DENND4C: variants seen among roughly 807,000 people sequenced by gnomAD.
DENND4C encodes DENN domain containing 4C, also known as DENN domain-containing protein 4C.
A neutral mutation model predicts 203.0 loss-of-function variants in DENND4C; 108 were observed. That is an observed-to-expected ratio of 0.53 (90% CI 0.46 to 0.62). The LOEUF (loss-of-function observed/expected upper bound fraction) is 0.62. DENND4C is among the 20% of genes least tolerant of loss of function. The pLI, the probability that DENND4C is intolerant of heterozygous loss-of-function variation, is 0.00. For missense variants in DENND4C, 2,481 were observed against 2,301.2 expected, an observed-to-expected ratio of 1.08 and a Z score of -1.60; for synonymous variants, 871 against 792.4, an observed-to-expected ratio of 1.10 and a Z score of -1.67.
intron 22 of DENND4C, 128 bp from the exon 23 acceptor site, chr9:19,345,793 G>T: frequency 1.2e-6 from 1 of 857,298 alleles, no homozygotes; most frequent in South Asian, 2.3e-5. Flanking sequence ...TTTCTTTATG[G>T]CCTCTAAATT....
At chr9:19,331,757 T>C (rs1362306061) in intron 16 of DENND4C, among the ~76,000 whole-genome samples, 5 of 152,214 alleles carry the variant, frequency 3.3e-5, no homozygotes, top group African/African-American at 7.2e-5. Flanking sequence ...ACATGCTTGC[T>C]AACAAATAGA....
intron 13 of DENND4C, among the ~76,000 whole-genome samples, chr9:19,325,119 A>G (rs1417656122): frequency 6.6e-6 from 1 of 152,152 alleles, no homozygotes; most frequent in East Asian, 1.9e-4. Context: ...TTTAATTTAA[A>G]TGAATAAGAT....
chr9:19,359,647 C>T (rs984338245), intron 28 of DENND4C, among the ~76,000 whole-genome samples: 3 of 149,836 alleles, frequency 2.0e-5, no homozygotes, highest in African/African-American at 7.7e-5. Context: ...TTGGAGACCA[C>T]AGTCTAGGCA....
chr9:19,241,385 A>AT (rs909078754), intron 1 of DENND4C, among the ~76,000 whole-genome samples: 19 of 149,630 alleles, frequency 1.3e-4, no homozygotes, highest in Non-Finnish European at 2.4e-4. Context: ...TAAAAAATGA[A>AT]TTTTTTTTTT....
At chr9:19,245,320 A>T (rs1199514375) in intron 1 of DENND4C, among the ~76,000 whole-genome samples, 1 of 151,778 alleles carries the variant, frequency 6.6e-6, no homozygotes, top group Non-Finnish European at 1.5e-5. Context: ...CACAAAAATT[A>T]GCTGGGCATG....
At chr9:19,255,297 CA>C (rs1474146313) in intron 1 of DENND4C, among the ~76,000 whole-genome samples, 2 of 151,902 alleles carry the variant, frequency 1.3e-5, no homozygotes, top group Admixed American at 6.6e-5. Context: ...CCCAGCTACT[CA>C]GGAGGCTGAG....
chr9:19,231,456 G>C (rs1438159001), intron 1 of DENND4C, among the ~76,000 whole-genome samples: 1 of 152,084 alleles, frequency 6.6e-6, no homozygotes, highest in Non-Finnish European at 1.5e-5. Context: ...ACTCTGGAGT[G>C]ACTAAACACA....
intron 1 of DENND4C, among the ~76,000 whole-genome samples, chr9:19,242,566 C>T (rs551916742): frequency 6.6e-6 from 1 of 152,000 alleles, no homozygotes; most frequent in Non-Finnish European, 1.5e-5. Context: ...AGTTCCTGTT[C>T]GCATTTTCAT....
intron 2 of DENND4C, among the ~76,000 whole-genome samples, chr9:19,278,042 C>A (rs1470823964): frequency 6.7e-6 from 1 of 149,186 alleles, no homozygotes. Context: ...ATCACATATC[C>A]AAATTTTTCT....
At chr9:19,295,008 C>G (rs188173473) in intron 5 of DENND4C, among the ~76,000 whole-genome samples, 41 of 152,226 alleles carry the variant, frequency 2.7e-4, no homozygotes, top group Non-Finnish European at 4.4e-5. Context: ...GTACTTAATA[C>G]CAGTGAATTG....
intron 10 of DENND4C, among the ~76,000 whole-genome samples, chr9:19,306,743 TTGTATTTATTTATTTA>T (rs1839741393): frequency 7.0e-6 from 1 of 143,882 alleles, no homozygotes; most frequent in Non-Finnish European, 1.5e-5. Context: ...GTTTGCACAA[TTGTATTTATTTATTTA>T]TTTATTTATT....
In DENND4C at chr9:19,316,521, A is replaced by G. The variant is rs772796849; in HGVS notation, c.1588+4A>G. On this transcript the variant is annotated splice_donor_region_variant and intron_variant, in intron 11 of 32. Transcript: ENST00000434457. ...TTGTATCCCCAGCTGTCTTCAGGTA[A>G]TGTGAGGGAAAAGGAATATTATTAA... The G allele has an allele frequency of 1.2e-6, 2 of 1,610,200 alleles. No homozygotes were observed. The highest frequency in any genetic ancestry group is 2.2e-5 in the East Asian group (1 of 44,842).
intron 26 of DENND4C, 98 bp from the exon 27 acceptor site, chr9:19,356,874 A>T: frequency 8.8e-7 from 1 of 1,132,164 alleles, no homozygotes; most frequent in Non-Finnish European, 1.3e-6. Flanking sequence ...TAATTTTATT[A>T]ATGACTGCTT....
chr9:19,340,936 T>C lies in DENND4C; in HGVS notation c.2882-56T>C, dbSNP rs142029894. On this transcript the variant is annotated intron_variant, in intron 20 of 32. Coordinates refer to ENST00000434457, the MANE Select transcript of DENND4C (RefSeq NM_001330640.2). ...GTGGAATTTTCTTGTGATTTTTATA[T>C]ATGAATTATAAGTATATGAAAACAT... The C allele has an allele frequency of 1.7e-5, 25 of 1,451,340 alleles. No homozygotes were observed. The African/African-American group carries it at 3.4e-4, about 20-fold the overall frequency. 89.9% of individuals were successfully genotyped at this position (1,451,340 alleles called of 1,614,324 possible). A position where few individuals can be genotyped will look rare whatever the true frequency, so the allele number is the denominator to read the frequency against.
chr9:19,254,761 A>G (rs983622392), intron 1 of DENND4C, among the ~76,000 whole-genome samples: 1 of 152,202 alleles, frequency 6.6e-6, no homozygotes, highest in Non-Finnish European at 1.5e-5. Context: ...CATAATGTGT[A>G]TATATATACC....
chr9:19,333,981 G>C (rs1186939759), intron 17 of DENND4C, among the ~76,000 whole-genome samples: 1 of 152,136 alleles, frequency 6.6e-6, no homozygotes, highest in Non-Finnish European at 1.5e-5. Flanking sequence ...CTTTGGCATT[G>C]AATGGAAAGC....
chr9:19,351,984 T>A, intron 24 of DENND4C, 89 bp from the exon 25 acceptor site: 1 of 1,027,014 alleles, frequency 9.7e-7, no homozygotes, highest in South Asian at 1.4e-5. Flanking sequence ...CAGACTTTAT[T>A]CTGTGTCCCC....
At chr9:19,347,768 T>C (rs1325955386) in intron 23 of DENND4C, among the ~76,000 whole-genome samples, 3 of 152,228 alleles carry the variant, frequency 2.0e-5, no homozygotes, top group African/African-American at 7.2e-5. Context: ...TTGAAGTTAA[T>C]AAAAATGCCA....
chr9:19,305,956 G>A lies in DENND4C; in HGVS notation c.1487+429G>A, dbSNP rs370896354. Among the ~76,000 whole-genome samples the A allele has an allele frequency of 4.0e-4, 61 of 152,288 alleles. 1 individual carries two copies. The South Asian group carries it at 0.011, about 28-fold the overall frequency. On this transcript the variant is annotated intron_variant, in intron 10 of 32. Transcript: ENST00000434457. The stretch of plus-strand genomic sequence containing the variant: ...ATTATACCATTTGCTTAGTTGTCGG[G>A]ATTTTAATTTTATAAGGATCTGTTG...
Sources: allele counts gnomAD v4.1 joint callset (sites outside exome capture counted in the v4.1 genomes callset), GRCh38; gene constraint gnomAD v4.1.1; transcripts MANE v1.5; gene names NCBI Gene and HGNC (gene_info 2026-07-23, HGNC 2026-07-21).